Variants in ARHGEF11 observed in about 807,000 individuals in gnomAD.
ARHGEF11 encodes the protein Rho guanine nucleotide exchange factor 11, also known as Rho guanine exchange factor (GEF) 11.
In ARHGEF11, 55 loss-of-function variants were observed where a neutral mutation model predicts 193.7. That is an observed-to-expected ratio of 0.28 (90% CI 0.23 to 0.36). ARHGEF11 has a LOEUF of 0.36. ARHGEF11 is among the 10% of genes least tolerant of loss of function. ARHGEF11 has a pLI of 1.00. For missense variants in ARHGEF11, 1,723 were observed against 2,005.6 expected (o/e 0.86, Z 2.69); for synonymous variants, 693 against 768.0 (o/e 0.90, Z 1.62).
At chr1:156,977,084 G>T in intron 6 of ARHGEF11, 30 bp from the exon 7 acceptor site, 1 of 1,596,692 alleles carries the variant, frequency 6.3e-7, no homozygotes, top group Non-Finnish European at 8.6e-7. Context: ...CAATATAAGA[G>T]TTAGGGACTA....
chr1:157,011,521 G>T (rs1039883406), intron 1 of ARHGEF11, among the ~76,000 whole-genome samples: 1 of 152,070 alleles, frequency 6.6e-6, no homozygotes, highest in Non-Finnish European at 1.5e-5. Context: ...GTGCTTCAAA[G>T]GATGCCATCA....
chr1:157,028,579 C>T (rs561904975), intron 1 of ARHGEF11, among the ~76,000 whole-genome samples: 2 of 152,220 alleles, frequency 1.3e-5, no homozygotes, highest in South Asian at 2.1e-4. Context: ...GAATCGATCT[C>T]AGAGATCAAA....
intron 1 of ARHGEF11, among the ~76,000 whole-genome samples, chr1:156,996,794 AGAC>A (rs148341428): frequency 2.5e-4 from 31 of 123,666 alleles, no homozygotes; most frequent in East Asian, 6.6e-4. Flanking sequence ...AAAAAAAAAA[AGAC>A]AAGGGTCTCC....
chr1:157,034,738 AAC>A (rs1671703964), intron 1 of ARHGEF11, among the ~76,000 whole-genome samples: 1 of 152,206 alleles, frequency 6.6e-6, no homozygotes, highest in Admixed American at 6.5e-5. Flanking sequence ...AACAGGATAA[AAC>A]ACAAGAACCA....
intron 1 of ARHGEF11, among the ~76,000 whole-genome samples, chr1:157,002,629 C>T (rs773326878): frequency 6.6e-6 from 1 of 152,076 alleles, no homozygotes; most frequent in Non-Finnish European, 1.5e-5. Context: ...TATCTCACTC[C>T]AACTAGATGA....
intron 1 of ARHGEF11, among the ~76,000 whole-genome samples, chr1:157,031,310 G>C (rs1671280832): frequency 6.6e-6 from 1 of 152,096 alleles, no homozygotes; most frequent in African/African-American, 2.4e-5. Context: ...TTCTCAACCT[G>C]CCAGGCCTCA....
At chr1:156,938,041 GCT>G (rs889081092) in intron 38 of ARHGEF11, among the ~76,000 whole-genome samples, 3 of 152,214 alleles carry the variant, frequency 2.0e-5, no homozygotes, top group Admixed American at 2.0e-4. Flanking sequence ...AATCTGGGAG[GCT>G]CTTTCAGCCG....
chr1:156,996,055 C>A (rs1402584004), intron 1 of ARHGEF11, among the ~76,000 whole-genome samples: 3 of 152,088 alleles, frequency 2.0e-5, no homozygotes, highest in South Asian at 4.1e-4. Flanking sequence ...TTTTGAGTGA[C>A]CTCCACAATG....
intron 1 of ARHGEF11, among the ~76,000 whole-genome samples, chr1:157,012,189 T>TGAAC (rs1443710554): frequency 1.3e-5 from 2 of 152,122 alleles, no homozygotes; most frequent in African/African-American, 4.8e-5. Flanking sequence ...ACAACATGGA[T>TGAAC]GAACCGTGAA....
chr1:156,981,171 A>G (rs1379839286), intron 3 of ARHGEF11, among the ~76,000 whole-genome samples: 1 of 151,728 alleles, frequency 6.6e-6, no homozygotes, highest in Non-Finnish European at 1.5e-5. Flanking sequence ...CTATGGAACT[A>G]CAGGTGCATG....
At chr1:156,961,900 C>T (rs1408165813) in intron 13 of ARHGEF11, 125 bp from the exon 14 acceptor site, 2 of 738,572 alleles carry the variant, frequency 2.7e-6, no homozygotes, top group Non-Finnish European at 4.7e-6. Context: ...AAGTGCGGTG[C>T]TACTGGCATC....
intron 33 of ARHGEF11, among the ~76,000 whole-genome samples, chr1:156,942,215 CTA>C (rs1241482385): frequency 2.6e-5 from 4 of 152,326 alleles, no homozygotes; most frequent in Admixed American, 6.5e-5. Flanking sequence ...GCAAAGCATT[CTA>C]TGTTTTCCCT....
At position 156,948,847 on chromosome 1, in the gene ARHGEF11, T is replaced by C; in HGVS notation, c.1926-349A>G. The C allele has an allele frequency of 1.0e-6, 1 of 985,308 alleles. No homozygotes were observed. The highest frequency in any genetic ancestry group is 1.2e-6 in the Non-Finnish European group (1 of 829,900). 61.0% of individuals were successfully genotyped at this position (985,308 alleles called of 1,614,324 possible). ...AGACACCATGCTTCTGTCAAGAAGG[T>C]GGTAGACATCATCGTCCCTCAACAG... On this transcript the variant is annotated intron_variant, in intron 22 of 40. Transcript: ENST00000368194. The surrounding 1 kb of genome is among the most constrained non-coding windows in gnomAD (Gnocchi z 4.2).
rs559848711 is a variant in ARHGEF11 at position 156,954,380 on chromosome 1, C to CAAAAAAAAAAAAAAAA, written c.1798+496_1798+511dup. On this transcript the variant is annotated intron_variant, in intron 21 of 40. Coordinates refer to ENST00000368194, the MANE Select transcript of ARHGEF11 (RefSeq NM_198236.3). ...GGGCCACAGAGTGAAACTGTGTCTC[C>CAAAAAAAAAAAAAAAA]AAAAAAAAAAAAAAAAAAAAAAAAA... 2.7e-5 allele frequency among the ~76,000 whole-genome samples: 2 copies of CAAAAAAAAAAAAAAAA among 75,146 alleles called. 1 individual carries two copies. Among genetic ancestry groups the CAAAAAAAAAAAAAAAA allele is most frequent in the Non-Finnish European group, 5.0e-5 (2 of 40,082 alleles). The allele number at this position is 75,146 out of a possible 152,430, so 49.3% of individuals were successfully genotyped here. A position where few individuals can be genotyped will look rare whatever the true frequency, so the allele number is the denominator to read the frequency against.
In ARHGEF11 at chr1:156,942,768, A is replaced by G; in HGVS notation, c.3248T>C (p.Phe1083Ser). ...IRSVATDKRA[F>S]FIICTSKLGP... Reference sequence around the variant, plus strand: ...CAGCTTGGAGGTGCAGATGATGAAGAAGGCCCGTTTATCTGTGTGAGGAAA... The same window carrying G: ...CAGCTTGGAGGTGCAGATGATGAAGGAGGCCCGTTTATCTGTGTGAGGAAA... The change falls in exon 33 of 41, where the codon TTC becomes TCC. Residue 1083 changes from phenylalanine (F) to serine (S), a missense_variant. Coordinates refer to ENST00000368194, the MANE Select transcript of ARHGEF11 (RefSeq NM_198236.3). 1.2e-6 allele frequency: 2 copies of G among 1,614,084 alleles called. No homozygotes were observed. Among genetic ancestry groups the G allele is most frequent in the Non-Finnish European group, 1.7e-6 (2 of 1,179,930 alleles).
At chr1:156,963,736 C>T in intron 11 of ARHGEF11, 142 bp from the exon 12 acceptor site, 1 of 1,465,570 alleles carries the variant, frequency 6.8e-7, no homozygotes, top group Non-Finnish European at 9.0e-7. Context: ...ACTCCCGCCC[C>T]CAAAATCAGA....
Position 156,948,566 on chromosome 1 carries a change from C to T in ARHGEF11, c.1926-68G>A. On this transcript the variant is annotated intron_variant, in intron 22 of 40. Coordinates refer to ENST00000368194, the MANE Select transcript of ARHGEF11 (RefSeq NM_198236.3). The surrounding 1 kb of genome is among the most constrained non-coding windows in gnomAD (Gnocchi z 4.2). ...TGGGCCATGCTTACATCCTGGCTAA[C>T]TCTTACCTGTGGCTCCATCTCAAAG... 1 of 1,613,314 alleles carries T rather than the reference C, an allele frequency of 6.2e-7. No individual in the cohort carries two copies. The highest frequency in any genetic ancestry group is 8.5e-7 in the Non-Finnish European group (1 of 1,179,906).
chr1:156,966,613 G>C (rs1307632298), intron 11 of ARHGEF11, among the ~76,000 whole-genome samples: 1 of 152,162 alleles, frequency 6.6e-6, no homozygotes, highest in Non-Finnish European at 1.5e-5. Flanking sequence ...TTTTTGTTGA[G>C]GGTCAAAATG....
chr1:156,948,246 A>G lies in ARHGEF11; in HGVS notation c.2106-18T>C. On this transcript the variant is annotated intron_variant, in intron 23 of 40. Coordinates refer to ENST00000368194, the MANE Select transcript of ARHGEF11 (RefSeq NM_198236.3). This position sits in a 1 kb window ranked among gnomAD's most constrained non-coding sequence, Gnocchi z 4.2. ...CAAGAGACCTGTGGAGGGAATGTCAACTCTCAGCAACCCTCTATCCTTGCC... is the reference window on the plus strand; with the variant it reads ...CAAGAGACCTGTGGAGGGAATGTCAGCTCTCAGCAACCCTCTATCCTTGCC... 6.3e-7 allele frequency: 1 copy of G among 1,594,928 alleles called. No individual in the cohort carries two copies. The highest frequency in any genetic ancestry group is 8.6e-7 in the Non-Finnish European group (1 of 1,167,146).
Sources: gnomAD v4.1 joint callset for allele counts (sites outside exome capture counted in the v4.1 genomes callset) on GRCh38, gnomAD v4.1.1 for gene constraint, Gnocchi (gnomAD v3.1) non-coding constraint, MANE v1.5 for transcripts, NCBI Gene and HGNC (gene_info 2026-07-23, HGNC 2026-07-21) for gene names.